PDGFC: variants seen among roughly 807,000 people sequenced by gnomAD.
The protein encoded by PDGFC is platelet derived growth factor C.
Under a neutral mutation model 35.5 loss-of-function variants are expected in PDGFC, and 12 were observed. That is an observed-to-expected ratio of 0.34 (90% CI 0.22 to 0.55). The LOEUF (loss-of-function observed/expected upper bound fraction) is 0.55, where lower values mean the gene tolerates loss of function less well. PDGFC is among the 20% of genes least tolerant of loss of function. PDGFC has a pLI of 0.91. For missense variants in PDGFC, 322 were observed against 412.4 expected, an observed-to-expected ratio of 0.78 and a Z score of 1.90; for synonymous variants, 159 against 148.8, an observed-to-expected ratio of 1.07 and a Z score of -0.50.
intron 2 of PDGFC, among the ~76,000 whole-genome samples, chr4:156,844,594 C>T (rs1473614017): frequency 6.6e-6 from 1 of 151,572 alleles, no homozygotes; most frequent in South Asian, 2.1e-4. Flanking sequence ...TGACTGGACA[C>T]ATACAAACAA....
chr4:156,916,148 G>T (rs545399043), intron 1 of PDGFC, among the ~76,000 whole-genome samples: 3 of 152,090 alleles, frequency 2.0e-5, no homozygotes, highest in Admixed American at 1.3e-4. Context: ...TTTCATTCAT[G>T]AACAAAATTC....
intron 2 of PDGFC, among the ~76,000 whole-genome samples, chr4:156,811,620 A>G (rs942841185): frequency 6.6e-6 from 1 of 152,138 alleles, no homozygotes; most frequent in Non-Finnish European, 1.5e-5. Context: ...TAAGTGATCC[A>G]TCTTCTTAGG....
chr4:156,966,949 A>G (rs1732480724), intron 1 of PDGFC, among the ~76,000 whole-genome samples: 1 of 152,168 alleles, frequency 6.6e-6, no homozygotes, highest in Non-Finnish European at 1.5e-5. Flanking sequence ...GACAAAATTC[A>G]TCATTACATA....
intron 1 of PDGFC, among the ~76,000 whole-genome samples, chr4:156,890,011 T>C (rs1730466250): frequency 6.6e-6 from 1 of 152,176 alleles, no homozygotes; most frequent in Non-Finnish European, 1.5e-5. Flanking sequence ...TATTTATAAG[T>C]AAGCAGCTCC....
At chr4:156,817,231 A>G (rs1732112238) in intron 2 of PDGFC, among the ~76,000 whole-genome samples, 1 of 152,206 alleles carries the variant, frequency 6.6e-6, no homozygotes, top group African/African-American at 2.4e-5. Flanking sequence ...ACAAAATATC[A>G]GGTGAAAATT....
chr4:156,783,440 G>A (rs1052557599), intron 3 of PDGFC, among the ~76,000 whole-genome samples: 3 of 150,756 alleles, frequency 2.0e-5, no homozygotes, highest in African/African-American at 7.3e-5. Flanking sequence ...TGGGAGCCAT[G>A]AACAAGGCTT....
At chr4:156,793,644 A>T (rs1465257089) in intron 3 of PDGFC, among the ~76,000 whole-genome samples, 1 of 150,718 alleles carries the variant, frequency 6.6e-6, no homozygotes. Flanking sequence ...TTGGGCAAAA[A>T]AATTTTTTAA....
rs183309632 is a variant in PDGFC, at chr4:156,803,556, T to C, written c.495+7281A>G. 1.1e-3 allele frequency among the ~76,000 whole-genome samples: 171 copies of C among 152,176 alleles called. 1 individual carries two copies. The highest frequency in any genetic ancestry group is 2.1e-3 in the Non-Finnish European group (144 of 67,984). Reference sequence around the variant, plus strand: ...GAGTGAAGAAGTAGATATAAAAGCATGTTAAATAGAGTCGTAGAGGTAAAT... The same window carrying C: ...GAGTGAAGAAGTAGATATAAAAGCACGTTAAATAGAGTCGTAGAGGTAAAT... On this transcript the variant is annotated intron_variant, in intron 3 of 5. Transcript: ENST00000502773.
intron 1 of PDGFC, among the ~76,000 whole-genome samples, chr4:156,857,073 T>C (rs1051089607): frequency 1.2e-4 from 18 of 149,662 alleles, no homozygotes; most frequent in Non-Finnish European, 2.1e-4. Flanking sequence ...ACTTGATATC[T>C]GAGGGTTTTT....
At chr4:156,784,442 T>C (rs1310834856) in intron 3 of PDGFC, among the ~76,000 whole-genome samples, 1 of 152,172 alleles carries the variant, frequency 6.6e-6, no homozygotes, top group African/African-American at 2.4e-5. Context: ...TAGGCCACTG[T>C]AGCTATTCCA....
intron 2 of PDGFC, among the ~76,000 whole-genome samples, chr4:156,830,534 C>T (rs537653832): frequency 6.6e-6 from 1 of 152,166 alleles, no homozygotes; most frequent in African/African-American, 2.4e-5. Flanking sequence ...CACTTGTGGA[C>T]CTCAACCTGG....
chr4:156,813,523 A>G (rs6822892), intron 2 of PDGFC, among the ~76,000 whole-genome samples: 69,268 of 151,804 alleles, frequency 0.46, 18,590 homozygotes, highest in African/African-American at 0.75. Context: ...ATTGACTGAC[A>G]AGGGGTGAAA....
chr4:156,884,131 C>T (rs1157269682), intron 1 of PDGFC, among the ~76,000 whole-genome samples: 2 of 152,182 alleles, frequency 1.3e-5, no homozygotes, highest in Non-Finnish European at 1.5e-5. Flanking sequence ...AGATGCATTT[C>T]CTAAAGCTAG....
At chr4:156,901,067 G>T (rs192872988) in intron 1 of PDGFC, among the ~76,000 whole-genome samples, 113 of 152,200 alleles carry the variant, frequency 7.4e-4, no homozygotes, top group African/African-American at 2.6e-3. Context: ...CAGCAAAAGA[G>T]CTTGTATTTT....
intron 1 of PDGFC, among the ~76,000 whole-genome samples, chr4:156,948,043 A>T (rs1416950837): frequency 1.3e-5 from 2 of 151,886 alleles, no homozygotes; most frequent in African/African-American, 4.8e-5. Context: ...ATGCAGCTGC[A>T]AAGCAGGGAT....
At chr4:156,790,384 T>C (rs1265560228) in intron 3 of PDGFC, among the ~76,000 whole-genome samples, 3 of 152,164 alleles carry the variant, frequency 2.0e-5, no homozygotes, top group Non-Finnish European at 4.4e-5. Context: ...GAAAACAATA[T>C]TAGTTAAAAA....
chr4:156,793,506 C>T (rs1184779013), intron 3 of PDGFC, among the ~76,000 whole-genome samples: 1 of 141,776 alleles, frequency 7.1e-6, no homozygotes, highest in African/African-American at 2.6e-5. Flanking sequence ...AGGTTAAGTA[C>T]TATTTTATAA....
At chr4:156,907,404 G>A (rs1730939411) in intron 1 of PDGFC, among the ~76,000 whole-genome samples, 1 of 151,366 alleles carries the variant, frequency 6.6e-6, no homozygotes, top group South Asian at 2.1e-4. Context: ...AGGATACAAA[G>A]AGTTTACTTT....
At chr4:156,967,660 GT>G (rs1342838232) in intron 1 of PDGFC, 2 of 152,162 alleles carry the variant, frequency 1.3e-5, no homozygotes, top group Admixed American at 6.5e-5. Context: ...AGTAGGTTTT[GT>G]TTTGTTCCTG....
Sources: allele counts gnomAD v4.1 joint callset (sites outside exome capture counted in the v4.1 genomes callset), GRCh38; gene constraint gnomAD v4.1.1; transcripts MANE v1.5; gene names NCBI Gene and HGNC (gene_info 2026-07-23, HGNC 2026-07-21).